Variants in RSRC1 observed in about 807,000 individuals in gnomAD.
RSRC1 encodes the protein arginine and serine rich coiled-coil 1.
In RSRC1, 39 loss-of-function variants were observed where a neutral mutation model predicts 49.1. That is an observed-to-expected ratio of 0.79 (90% confidence interval 0.61 to 1.04). RSRC1 has a LOEUF of 1.04. Among genes scored for constraint, RSRC1 ranks in the 50% least tolerant of loss-of-function variants. RSRC1 has a pLI of 0.00. For missense variants in RSRC1, 388 were observed against 402.4 expected (o/e 0.96, Z 0.31); for synonymous variants, 143 against 130.8 (o/e 1.09, Z -0.63).
At chr3:158,273,565 T>C (rs1630304) in intron 4 of RSRC1, among the ~76,000 whole-genome samples, 72,328 of 151,884 alleles carry the variant, frequency 0.48, 17,783 homozygotes, top group East Asian at 0.64. Flanking sequence ...ATGTTAGCAC[T>C]GAGGCCTATT....
rs556523312 is a variant in RSRC1, at chr3:158,418,391, T to C, written c.584-42544T>C. Among the ~76,000 whole-genome samples, 172 of 152,134 alleles carry C rather than the reference T, an allele frequency of 1.1e-3. 1 individual carries two copies. Among genetic ancestry groups the C allele is most frequent in the Middle Eastern group, 3.4e-3 (1 of 294 alleles). ...ACAGGGAGAATACTTGTTTTTACAA[T>C]AATACTTATTTATATGGACATTCTC... On this transcript the variant is annotated intron_variant, in intron 6 of 9. Transcript: ENST00000611884.
intron 5 of RSRC1, among the ~76,000 whole-genome samples, chr3:158,335,347 G>C (rs1729825910): frequency 6.6e-6 from 1 of 152,106 alleles, no homozygotes; most frequent in Non-Finnish European, 1.5e-5. Context: ...TGAAAGCAGA[G>C]GGAGGAAAAT....
intron 3 of RSRC1, among the ~76,000 whole-genome samples, chr3:158,182,857 A>G (rs1042087720): frequency 1.8e-4 from 27 of 152,198 alleles, no homozygotes; most frequent in African/African-American, 6.5e-4. Flanking sequence ...TGTTTTTGCT[A>G]ATTACTTGGG....
chr3:158,209,202 T>C (rs1721520604), intron 4 of RSRC1, among the ~76,000 whole-genome samples: 1 of 152,144 alleles, frequency 6.6e-6, no homozygotes, highest in Admixed American at 6.6e-5. Context: ...TGCGGCAGTG[T>C]TGGGAGGTGG....
chr3:158,510,420 A>G (rs1458617046), intron 7 of RSRC1, among the ~76,000 whole-genome samples: 1 of 152,110 alleles, frequency 6.6e-6, no homozygotes, highest in East Asian at 1.9e-4. Flanking sequence ...TATGTCCTGT[A>G]TCAGAAAATT....
chr3:158,173,619 G>T (rs535759374), intron 3 of RSRC1, among the ~76,000 whole-genome samples: 11 of 152,046 alleles, frequency 7.2e-5, no homozygotes, highest in Admixed American at 3.3e-4. Flanking sequence ...CTACCCAAGA[G>T]AAATGTATGA....
chr3:158,218,061 G>C (rs1427455002), intron 4 of RSRC1, among the ~76,000 whole-genome samples: 3 of 151,632 alleles, frequency 2.0e-5, no homozygotes, highest in African/African-American at 7.3e-5. Context: ...AGCTAGAATG[G>C]AGAGGAGGGG....
At chr3:158,223,590 A>ATTTTTTTT (rs5853818) in intron 4 of RSRC1, among the ~76,000 whole-genome samples, 1 of 145,668 alleles carries the variant, frequency 6.9e-6, no homozygotes. Flanking sequence ...TAGCTTCCTG[A>ATTTTTTTT]TTTTTTTTTT....
At chr3:158,505,850 T>A (rs1294972999) in intron 7 of RSRC1, among the ~76,000 whole-genome samples, 1 of 152,080 alleles carries the variant, frequency 6.6e-6, no homozygotes, top group Non-Finnish European at 1.5e-5. Context: ...AATATGGTTC[T>A]TCAAATAATT....
chr3:158,201,795 A>G (rs778702590), intron 3 of RSRC1, among the ~76,000 whole-genome samples: 22 of 152,168 alleles, frequency 1.4e-4, no homozygotes, highest in South Asian at 4.1e-4. Context: ...TAATTTTAAC[A>G]TCTAGTTTAG....
At chr3:158,290,684 A>G (rs1726886128) in intron 4 of RSRC1, among the ~76,000 whole-genome samples, 1 of 152,286 alleles carries the variant, frequency 6.6e-6, no homozygotes, top group Admixed American at 6.5e-5. Flanking sequence ...ATTGTTTGAG[A>G]TGGAAAATGT....
chr3:158,525,513 A>T (rs1711958351), intron 7 of RSRC1, among the ~76,000 whole-genome samples: 1 of 151,972 alleles, frequency 6.6e-6, no homozygotes, highest in Non-Finnish European at 1.5e-5. Flanking sequence ...AAAGTTAAAC[A>T]TATGTCTACC....
chr3:158,199,974 G>A (rs903318596), intron 3 of RSRC1, among the ~76,000 whole-genome samples: 1 of 126,658 alleles, frequency 7.9e-6, no homozygotes, highest in Non-Finnish European at 1.8e-5. Context: ...TATAGTTTAT[G>A]TGACATTAAT....
chr3:158,294,060 TA>T (rs1727093073), intron 4 of RSRC1, among the ~76,000 whole-genome samples: 1 of 152,170 alleles, frequency 6.6e-6, no homozygotes, highest in Non-Finnish European at 1.5e-5. Flanking sequence ...GAGATTTGAA[TA>T]TTTTTATATC....
rs141814045 is a variant in RSRC1 at position 158,260,091 on chromosome 3, C to T, written c.495-37948C>T. On this transcript the variant is annotated intron_variant, in intron 4 of 9. Coordinates refer to ENST00000611884, the MANE Select transcript of RSRC1 (RefSeq NM_001271838.2). ...TACCCCAGTGTGTCTGAGTTGGTAG[C>T]CAAGCTGCAAGACAAAGTCCTCTTT... Among the ~76,000 whole-genome samples the T allele has an allele frequency of 4.1e-4, 63 of 151,978 alleles. No homozygotes were observed. The East Asian group carries it at 9.6e-3, about 23-fold the overall frequency.
chr3:158,187,818 A>T (rs1000986482), intron 3 of RSRC1, among the ~76,000 whole-genome samples: 2 of 151,958 alleles, frequency 1.3e-5, no homozygotes, highest in African/African-American at 2.4e-5. Flanking sequence ...TGGTGGATAT[A>T]TTTGTATAAG....
intron 4 of RSRC1, among the ~76,000 whole-genome samples, chr3:158,264,321 A>G (rs1725051837): frequency 6.6e-6 from 1 of 152,180 alleles, no homozygotes; most frequent in South Asian, 2.1e-4. Context: ...AAATTTTGGA[A>G]GAGTTTCTAG....
chr3:158,288,766 C>A (rs1178835207), intron 4 of RSRC1, among the ~76,000 whole-genome samples: 1 of 148,668 alleles, frequency 6.7e-6, no homozygotes, highest in Non-Finnish European at 1.5e-5. Context: ...GGTTGTTTTA[C>A]AGTATTGTTT....
chr3:158,116,698 T>A (rs1251869910), intron 1 of RSRC1, among the ~76,000 whole-genome samples: 2 of 150,398 alleles, frequency 1.3e-5, no homozygotes, highest in Non-Finnish European at 2.9e-5. Context: ...AAATAATGTT[T>A]TAGTGTTACA....
Sources: gnomAD v4.1 joint callset for allele counts (sites outside exome capture counted in the v4.1 genomes callset) on GRCh38, gnomAD v4.1.1 for gene constraint, MANE v1.5 for transcripts, NCBI Gene and HGNC (gene_info 2026-07-23, HGNC 2026-07-21) for gene names.